The following GPC6 variants were observed in gnomAD, a reference collection of about 807,000 sequenced individuals.
GPC6 encodes the protein glypican-6.
GPC6 carries 14 observed loss-of-function variants against 55.2 expected under a neutral mutation model. The observed-to-expected ratio is 0.25, with a 90% CI of 0.17 to 0.40. The LOEUF (loss-of-function observed/expected upper bound fraction) is 0.40, where lower values mean the gene tolerates loss of function less well. GPC6 is among the 10% of genes least tolerant of loss of function. The probability of loss-of-function intolerance (pLI) is 1.00; values close to 1 mark genes in which losing one functional copy is unlikely to be tolerated. For missense variants in GPC6, 641 were observed against 708.5 expected, an observed-to-expected ratio of 0.90 and a Z score of 1.08; for synonymous variants, 278 against 259.6, an observed-to-expected ratio of 1.07 and a Z score of -0.68.
intron 3 of GPC6, among the ~76,000 whole-genome samples, chr13:93,843,045 A>G (rs1271930360): frequency 6.6e-6 from 1 of 150,760 alleles, no homozygotes; most frequent in Non-Finnish European, 1.5e-5. Context: ...TATTATTTTA[A>G]CATCACATGC....
intron 2 of GPC6, among the ~76,000 whole-genome samples, chr13:93,572,916 G>A (rs1207122917): frequency 1.3e-5 from 2 of 152,114 alleles, no homozygotes; most frequent in Non-Finnish European, 2.9e-5. Flanking sequence ...TCATAAAAGA[G>A]AGCCCACAAC....
At chr13:93,596,930 A>AG (rs1192773210) in intron 2 of GPC6, among the ~76,000 whole-genome samples, 1 of 148,152 alleles carries the variant, frequency 6.7e-6, no homozygotes, top group African/African-American at 2.5e-5. Context: ...GACCCAGGAA[A>AG]GCTGATGGTA....
At chr13:93,776,028 C>CT (rs1222211021) in intron 2 of GPC6, among the ~76,000 whole-genome samples, 17 of 55,310 alleles carry the variant, frequency 3.1e-4, no homozygotes, top group Admixed American at 7.1e-4. Flanking sequence ...CTTTTAAAGC[C>CT]TTTTTTTTCC....
At chr13:93,443,985 A>T (rs992056835) in intron 1 of GPC6, among the ~76,000 whole-genome samples, 2 of 152,158 alleles carry the variant, frequency 1.3e-5, no homozygotes, top group African/African-American at 4.8e-5. Flanking sequence ...GGGAGAGATT[A>T]TGGGATTCTA....
At chr13:94,133,883 T>C (rs1887092416) in intron 4 of GPC6, among the ~76,000 whole-genome samples, 1 of 152,112 alleles carries the variant, frequency 6.6e-6, no homozygotes, top group African/African-American at 2.4e-5. Flanking sequence ...TCAAAACTGA[T>C]CCACCTCCTG....
chr13:93,754,050 G>T (rs760807476), intron 2 of GPC6, among the ~76,000 whole-genome samples: 2 of 152,168 alleles, frequency 1.3e-5, no homozygotes, highest in Non-Finnish European at 2.9e-5. Flanking sequence ...GTAGCAGGCG[G>T]CTTGGCAACC....
intron 2 of GPC6, among the ~76,000 whole-genome samples, chr13:93,545,852 C>A (rs1874761141): frequency 1.3e-5 from 2 of 152,122 alleles, no homozygotes; most frequent in African/African-American, 2.4e-5. Flanking sequence ...AACACAGATT[C>A]CTTTATTTTA....
chr13:93,665,355 G>T (rs535888776), intron 2 of GPC6, among the ~76,000 whole-genome samples: 16 of 152,242 alleles, frequency 1.1e-4, no homozygotes, highest in African/African-American at 2.9e-4. Context: ...TCTATGTAAA[G>T]TACTATCTCA....
intron 4 of GPC6, among the ~76,000 whole-genome samples, chr13:94,086,968 G>A (rs1885305994): frequency 6.6e-6 from 1 of 152,114 alleles, no homozygotes; most frequent in Non-Finnish European, 1.5e-5. Flanking sequence ...GGCCACTTTA[G>A]TTTTTTCAGG....
chr13:93,689,864 C>A (rs942679947), intron 2 of GPC6, among the ~76,000 whole-genome samples: 3 of 152,098 alleles, frequency 2.0e-5, no homozygotes, highest in African/African-American at 7.2e-5. Context: ...TGTCTTAAAT[C>A]AGTCACTTAA....
intron 4 of GPC6, among the ~76,000 whole-genome samples, chr13:94,166,936 T>G (rs1447001440): frequency 6.6e-6 from 1 of 152,210 alleles, no homozygotes; most frequent in East Asian, 1.9e-4. Flanking sequence ...ATTTCTCAGC[T>G]TCAAGTGCTA....
At position 93,881,611 on chromosome 13, in the gene GPC6, C is replaced by A. The variant is rs2150126; in HGVS notation, c.711+51066C>A. On this transcript the variant is annotated intron_variant, in intron 3 of 8. Transcript: ENST00000377047. ...AATGGGGTGTCACTGCTGCTAGGCCCTCTCAGTGGACAGAGCTAGGAAATG... is the reference window on the plus strand; with the variant it reads ...AATGGGGTGTCACTGCTGCTAGGCCATCTCAGTGGACAGAGCTAGGAAATG... Among the ~76,000 whole-genome samples, 863 of 152,148 alleles carry A rather than the reference C, an allele frequency of 5.7e-3. 14 individuals are homozygous for A. Among genetic ancestry groups the A allele is most frequent in the African/African-American group, 0.02 (831 of 41,526 alleles).
intron 1 of GPC6, among the ~76,000 whole-genome samples, chr13:93,523,075 A>T (rs1312615475): frequency 6.6e-6 from 1 of 151,328 alleles, no homozygotes; most frequent in Non-Finnish European, 1.5e-5. Context: ...ATATACATAT[A>T]TGTGTGTAAC....
chr13:93,534,570 T>C (rs545102408), intron 1 of GPC6, among the ~76,000 whole-genome samples: 6 of 152,160 alleles, frequency 3.9e-5, no homozygotes. Context: ...CTGGCCATTT[T>C]CAGGCTCAAG....
intron 2 of GPC6, among the ~76,000 whole-genome samples, chr13:93,569,030 C>A (rs1166097626): frequency 1.3e-5 from 2 of 152,156 alleles, no homozygotes; most frequent in Non-Finnish European, 2.9e-5. Flanking sequence ...TGTGCATCTA[C>A]AAAGAACGCT....
At chr13:94,181,292 A>G (rs897729157) in intron 4 of GPC6, among the ~76,000 whole-genome samples, 2 of 152,106 alleles carry the variant, frequency 1.3e-5, no homozygotes, top group Admixed American at 1.3e-4. Context: ...TGTCCTACCA[A>G]TATTTGATGA....
chr13:93,485,859 A>G (rs1222967666), intron 1 of GPC6, among the ~76,000 whole-genome samples: 4 of 152,172 alleles, frequency 2.6e-5, no homozygotes, highest in Non-Finnish European at 5.9e-5. Flanking sequence ...ATGATTCTGA[A>G]GCTCAGGGAA....
chr13:93,610,681 A>G (rs992033624), intron 2 of GPC6, among the ~76,000 whole-genome samples: 1 of 152,186 alleles, frequency 6.6e-6, no homozygotes, highest in Non-Finnish European at 1.5e-5. Context: ...CATTACACTT[A>G]TATTTTATAT....
At chr13:94,136,215 T>C (rs1317139224) in intron 4 of GPC6, among the ~76,000 whole-genome samples, 1 of 151,612 alleles carries the variant, frequency 6.6e-6, no homozygotes, top group Non-Finnish European at 1.5e-5. Flanking sequence ...TTCATTTCAC[T>C]TCACTGGCAA....
Sources: allele counts gnomAD v4.1 joint callset (sites outside exome capture counted in the v4.1 genomes callset), GRCh38; gene constraint gnomAD v4.1.1; transcripts MANE v1.5; gene names NCBI Gene and HGNC (gene_info 2026-07-23, HGNC 2026-07-21).